The following FARP1 variants were observed in gnomAD, a reference collection of about 807,000 sequenced individuals.
FARP1 encodes FERM, ARH/RhoGEF and pleckstrin domain protein 1, also known as FERM, ARHGEF and pleckstrin domain-containing protein 1.
FARP1 carries 52 observed loss-of-function variants against 128.8 expected under a neutral mutation model. That is an observed-to-expected ratio of 0.40 (90% CI 0.32 to 0.51). The LOEUF (loss-of-function observed/expected upper bound fraction) is 0.51. Ranked by LOEUF, FARP1 falls within the 20% of genes least tolerant of loss-of-function variation. FARP1 has a pLI of 0.45. For synonymous variants in FARP1, 580 were observed against 551.8 expected, an observed-to-expected ratio of 1.05 and a Z score of -0.72; for missense variants, 1,333 against 1,367.9, an observed-to-expected ratio of 0.97 and a Z score of 0.40.
chr13:98,189,926 T>C (rs1035099203), intron 1 of FARP1, among the ~76,000 whole-genome samples: 2 of 152,296 alleles, frequency 1.3e-5, no homozygotes, highest in African/African-American at 2.4e-5. Flanking sequence ...TTTAAAACAT[T>C]TTTACCTTTT....
intron 2 of FARP1, among the ~76,000 whole-genome samples, chr13:98,337,788 A>G (rs1284912487): frequency 2.0e-5 from 3 of 152,146 alleles, no homozygotes; most frequent in African/African-American, 7.2e-5. Flanking sequence ...GTTGGCTTTC[A>G]GTGCAAAGCC....
intron 9 of FARP1, 52 bp downstream of exon 9, chr13:98,388,530 G>A (rs1890185704): frequency 1.5e-6 from 2 of 1,356,096 alleles, no homozygotes; most frequent in Admixed American, 3.4e-5. Flanking sequence ...GATGGCGTGT[G>A]TCCTGCAAGG....
At chr13:98,269,392 T>A (rs1238487961) in intron 2 of FARP1, among the ~76,000 whole-genome samples, 1 of 152,230 alleles carries the variant, frequency 6.6e-6, no homozygotes, top group Admixed American at 6.5e-5. Context: ...TGAGTGGTCA[T>A]TTCTGTTCAT....
intron 24 of FARP1, among the ~76,000 whole-genome samples, chr13:98,444,516 T>C (rs1306462577): frequency 6.6e-6 from 1 of 152,134 alleles, no homozygotes; most frequent in East Asian, 1.9e-4. Flanking sequence ...CTCGGCCTCC[T>C]GAGTGCAGGG....
At chr13:98,398,523 GC>G (rs1890642784) in intron 13 of FARP1, 1 of 152,068 alleles carries the variant, frequency 6.6e-6, no homozygotes, top group Middle Eastern at 3.2e-3. Flanking sequence ...TGCAATAGGA[GC>G]TTTTTGATTC....
At position 98,176,941 on chromosome 13, in the gene FARP1, G is replaced by A. The variant is rs746970105; in HGVS notation, c.-24+33449G>A. The stretch of plus-strand genomic sequence containing the variant: ...GTCCTCTGGCCCCACAGGCTTCGCC[G>A]AGCGGGTGGACCTGTACACCACGTC... On this transcript the variant is annotated intron_variant, in intron 1 of 26. Transcript: ENST00000319562. The surrounding 1 kb of genome is among the most constrained non-coding windows in gnomAD (Gnocchi z 6.2). 3.1e-6 allele frequency: 5 copies of A among 1,602,500 alleles called. No individual in the cohort carries two copies. The highest frequency in any genetic ancestry group is 1.7e-5 in the Admixed American group (1 of 59,996).
chr13:98,258,127 C>T (rs1247921928), intron 2 of FARP1, among the ~76,000 whole-genome samples: 13 of 152,160 alleles, frequency 8.5e-5, no homozygotes, highest in East Asian at 5.8e-4. Flanking sequence ...CGACCGTGCC[C>T]GGCTAATTTT....
intron 1 of FARP1, among the ~76,000 whole-genome samples, chr13:98,151,660 CTTTTTT>C (rs34250002): frequency 2.9e-5 from 2 of 69,224 alleles, no homozygotes; most frequent in Non-Finnish European, 5.5e-5. Flanking sequence ...TATCTTCCAT[CTTTTTT>C]TTTTTTTTTT....
chr13:98,440,438 G>A (rs986448811), intron 23 of FARP1, among the ~76,000 whole-genome samples: 1 of 149,862 alleles, frequency 6.7e-6, no homozygotes, highest in Non-Finnish European at 1.5e-5. Flanking sequence ...ACCTTTTCTG[G>A]GCCGGCATTT....
intron 13 of FARP1, chr13:98,404,321 T>A (rs754433472): frequency 3.3e-5 from 5 of 152,250 alleles, no homozygotes; most frequent in Non-Finnish European, 5.9e-5. Flanking sequence ...AGGACCACAC[T>A]GCTAACATGG....
intron 2 of FARP1, among the ~76,000 whole-genome samples, chr13:98,262,816 A>AT (rs1242721104): frequency 1.3e-5 from 2 of 152,208 alleles, no homozygotes; most frequent in Non-Finnish European, 2.9e-5. Flanking sequence ...TTACCAGATC[A>AT]TTCAAATTAC....
chr13:98,196,500 A>T (rs1243341739), intron 1 of FARP1, among the ~76,000 whole-genome samples: 1 of 142,790 alleles, frequency 7.0e-6, no homozygotes, highest in Admixed American at 7.4e-5. Context: ...CCATGGAGAA[A>T]GTGCTACATA....
chr13:98,363,595 C>T (rs1297450300), intron 3 of FARP1, among the ~76,000 whole-genome samples: 1 of 152,130 alleles, frequency 6.6e-6, no homozygotes, highest in Non-Finnish European at 1.5e-5. Context: ...CGCCTGGTAA[C>T]AGGCAACTCC....
chr13:98,256,261 G>A (rs1009112177), intron 2 of FARP1, among the ~76,000 whole-genome samples: 1 of 152,184 alleles, frequency 6.6e-6, no homozygotes, highest in African/African-American at 2.4e-5. Context: ...TGTATTTTAG[G>A]TAATGAATCA....
In FARP1 at chr13:98,385,736, C is replaced by G; in HGVS notation, c.681C>G (p.Ile227Met). 1 of 1,614,196 alleles carries G rather than the reference C, an allele frequency of 6.2e-7. No individual in the cohort carries two copies. Among genetic ancestry groups the G allele is most frequent in the Non-Finnish European group, 8.5e-7 (1 of 1,180,028 alleles). The change falls in exon 8 of 27, where the codon ATC becomes ATG. Residue 227 changes from isoleucine (I) to methionine (M), a missense_variant. Physicochemically the swap from Ile to Met is conservative, Grantham distance 10. Coordinates refer to ENST00000319562, the MANE Select transcript of FARP1 (RefSeq NM_005766.4). ...EIARRLEMYG[I>M]RLHPAKDREG... is the part of the protein sequence containing the mutation. ...CCCGTCGGCTAGAGATGTATGGAAT[C>G]CGGTTGCACCCGGCCAAGGACAGGG...
chr13:98,143,045 TC>T (rs1875161465), upstream of FARP1: 1 of 147,096 alleles, frequency 6.8e-6, no homozygotes, highest in Non-Finnish European at 1.5e-5. Context: ...GGCGCCCGCC[TC>T]CCCCCGCCGA....
intron 3 of FARP1, among the ~76,000 whole-genome samples, chr13:98,363,531 T>A (rs1182906386): frequency 2.0e-5 from 3 of 152,094 alleles, no homozygotes; most frequent in African/African-American, 7.2e-5. Flanking sequence ...GCTGCCTCCT[T>A]TATCTGACCT....
At chr13:98,381,860 A>C (rs1211123092) in intron 6 of FARP1, among the ~76,000 whole-genome samples, 1 of 152,148 alleles carries the variant, frequency 6.6e-6, no homozygotes, top group Non-Finnish European at 1.5e-5. Flanking sequence ...ACATTTAAAA[A>C]ATAGGAAGTC....
chr13:98,203,564 CGT>C (rs1305593082), intron 1 of FARP1, among the ~76,000 whole-genome samples: 15 of 152,142 alleles, frequency 9.9e-5, no homozygotes, highest in Admixed American at 9.2e-4. Flanking sequence ...ATCTATGTGG[CGT>C]GTGTCAGCAT....
Sources: gnomAD v4.1 joint callset for allele counts (sites outside exome capture counted in the v4.1 genomes callset) on GRCh38, gnomAD v4.1.1 for gene constraint, Gnocchi (gnomAD v3.1) non-coding constraint, MANE v1.5 for transcripts, NCBI Gene and HGNC (gene_info 2026-07-23, HGNC 2026-07-21) for gene names.